The following NCK2 variants were observed in gnomAD, a reference collection of about 807,000 sequenced individuals.
The protein encoded by NCK2 is cytoplasmic protein NCK2.
NCK2 carries 16 observed loss-of-function variants against 33.9 expected under a neutral mutation model. The observed-to-expected ratio is 0.47, with a 90% confidence interval of 0.32 to 0.72. The LOEUF (loss-of-function observed/expected upper bound fraction) is 0.72. Ranked by LOEUF, NCK2 falls within the 30% of genes least tolerant of loss-of-function variation. The pLI is 0.03. For missense variants in NCK2, 418 were observed against 537.3 expected, an observed-to-expected ratio of 0.78 and a Z score of 2.19; for synonymous variants, 273 against 239.9, an observed-to-expected ratio of 1.14 and a Z score of -1.27.
At chr2:105,772,108 G>A (rs939255699) in intron 1 of NCK2, among the ~76,000 whole-genome samples, 1 of 150,498 alleles carries the variant, frequency 6.6e-6, no homozygotes, top group Non-Finnish European at 1.5e-5. Flanking sequence ...GAAGGATGGC[G>A]GAGGGGGTAG....
intron 2 of NCK2, among the ~76,000 whole-genome samples, chr2:105,847,799 G>C (rs1376846351): frequency 1.3e-5 from 2 of 152,098 alleles, no homozygotes; most frequent in African/African-American, 4.8e-5. Flanking sequence ...ACACCTCTTT[G>C]TTTGTAAAAT....
At position 105,798,374 on chromosome 2, in the gene NCK2, CTTCT is replaced by C. The variant is rs375693942; in HGVS notation, c.-200-18052_-200-18049del. ...TGGGTTAGCTGAGTCATTTTTTTTT[CTTCT>C]TTCAGTGTTCTCCTTTTTTCTTTTT... is the stretch of plus-strand genomic sequence containing the variant. On this transcript the variant is annotated intron_variant, in intron 1 of 4. Coordinates refer to ENST00000233154, the MANE Select transcript of NCK2 (RefSeq NM_003581.5). Among the ~76,000 whole-genome samples, 869 of 151,642 alleles carry C rather than the reference CTTCT, an allele frequency of 5.7e-3. 4 individuals are homozygous for C. The highest frequency in any genetic ancestry group is 0.024 in the Middle Eastern group (7 of 294).
Position 105,762,147 on chromosome 2 carries a change from G to A in NCK2, c.-201+17009G>A, listed in dbSNP as rs181508591. 9.2e-5 allele frequency among the ~76,000 whole-genome samples: 14 copies of A among 152,306 alleles called. No individual in the cohort carries two copies. In the East Asian group the frequency reaches 2.5e-3, roughly 27 times the overall value. The stretch of plus-strand genomic sequence containing the variant: ...AGTTTGTGGAATGCACTGCTCTTGG[G>A]TTTTCCTTAGAAGAAGCTTGTGAGA... On this transcript the variant is annotated intron_variant, in intron 1 of 4. Transcript: ENST00000233154.
At chr2:105,889,561 A>T (rs1296214226) in intron 4 of NCK2, among the ~76,000 whole-genome samples, 1 of 146,526 alleles carries the variant, frequency 6.8e-6, no homozygotes, top group African/African-American at 2.5e-5. Context: ...GAGCCTGAGA[A>T]TTTGCATTTC....
intron 1 of NCK2, among the ~76,000 whole-genome samples, chr2:105,803,289 T>C (rs1416712780): frequency 6.6e-6 from 1 of 152,226 alleles, no homozygotes; most frequent in Non-Finnish European, 1.5e-5. Flanking sequence ...AAAGTTTAGC[T>C]GCTGTTTTTT....
chr2:105,853,571 T>C (rs1300188014), intron 2 of NCK2, among the ~76,000 whole-genome samples: 1 of 152,210 alleles, frequency 6.6e-6, no homozygotes, highest in African/African-American at 2.4e-5. Flanking sequence ...CAAGCACTTA[T>C]TTTCTTACTG....
intron 1 of NCK2, among the ~76,000 whole-genome samples, chr2:105,746,274 C>G (rs1258719862): frequency 6.6e-6 from 1 of 152,178 alleles, no homozygotes; most frequent in East Asian, 1.9e-4. Flanking sequence ...AGGGCCAGCT[C>G]CGTCCCTCGA....
At chr2:105,839,903 G>A (rs1187229550) in intron 2 of NCK2, among the ~76,000 whole-genome samples, 1 of 152,224 alleles carries the variant, frequency 6.6e-6, no homozygotes, top group Non-Finnish European at 1.5e-5. Context: ...AGGCAGCAGG[G>A]CTGTGTGATC....
rs573520561 is a variant in NCK2, at chr2:105,871,461, G to A, written c.227-9867G>A. ...CCTGCAGTCTGCTCAGGGAGATGGG[G>A]ATTTGCTAAGCTTTTGAAAAAGATA... On this transcript the variant is annotated intron_variant, in intron 3 of 4. Transcript: ENST00000233154. 1.0e-3 allele frequency among the ~76,000 whole-genome samples: 158 copies of A among 152,108 alleles called. 2 individuals are homozygous for A. Among genetic ancestry groups the A allele is most frequent in the African/African-American group, 3.7e-3 (152 of 41,486 alleles).
intron 2 of NCK2, among the ~76,000 whole-genome samples, chr2:105,826,412 G>T (rs1176438515): frequency 6.6e-6 from 1 of 152,130 alleles, no homozygotes. Context: ...ACCACCCTTC[G>T]AGGACCAATT....
At chr2:105,831,547 C>T (rs1350982500) in intron 2 of NCK2, among the ~76,000 whole-genome samples, 2 of 151,464 alleles carry the variant, frequency 1.3e-5, no homozygotes, top group South Asian at 2.1e-4. Context: ...AGTCTTTAAT[C>T]AATTTTGAGT....
intron 2 of NCK2, among the ~76,000 whole-genome samples, chr2:105,851,255 C>G (rs968672634): frequency 2.6e-5 from 4 of 151,726 alleles, no homozygotes; most frequent in Non-Finnish European, 5.9e-5. Context: ...GTGTCCGGCA[C>G]AGAGCTGAGC....
At chr2:105,771,340 G>T (rs1406146834) in intron 1 of NCK2, among the ~76,000 whole-genome samples, 2 of 152,022 alleles carry the variant, frequency 1.3e-5, no homozygotes, top group African/African-American at 2.4e-5. Context: ...GCTGAGGCAG[G>T]TGGATCACCT....
intron 2 of NCK2, among the ~76,000 whole-genome samples, chr2:105,832,795 G>A (rs6712210): frequency 0.63 from 94,600 of 150,076 alleles, 30,669 homozygotes; most frequent in African/African-American, 0.79. Flanking sequence ...TCTGTTTCAG[G>A]TGTCAGGATA....
intron 2 of NCK2, among the ~76,000 whole-genome samples, chr2:105,835,939 T>G (rs756993891): frequency 1.3e-5 from 2 of 151,468 alleles, no homozygotes; most frequent in East Asian, 1.9e-4. Flanking sequence ...TTTTTTTATT[T>G]AATTCATTTA....
chr2:105,871,086 G>A (rs1190378956), intron 3 of NCK2, among the ~76,000 whole-genome samples: 1 of 152,108 alleles, frequency 6.6e-6, no homozygotes, highest in Non-Finnish European at 1.5e-5. Context: ...AGGCCTGGAG[G>A]GTCGATGAGT....
intron 1 of NCK2, among the ~76,000 whole-genome samples, chr2:105,772,120 G>C (rs1440923925): frequency 6.6e-6 from 1 of 150,532 alleles, no homozygotes; most frequent in South Asian, 2.1e-4. Flanking sequence ...AGGGGGTAGC[G>C]TTTGCAGAGG....
At chr2:105,857,193 A>G (rs1311715639) in intron 3 of NCK2, 2 of 152,230 alleles carry the variant, frequency 1.3e-5, no homozygotes, top group Admixed American at 6.5e-5. Context: ...AGCAGAAAAG[A>G]CAAAGCCACA....
intron 1 of NCK2, among the ~76,000 whole-genome samples, chr2:105,775,925 A>G (rs1690283610): frequency 6.6e-6 from 1 of 152,254 alleles, no homozygotes; most frequent in African/African-American, 2.4e-5. Flanking sequence ...CAAAACCAAA[A>G]CAAAGCACCA....
Sources: allele counts gnomAD v4.1 joint callset (sites outside exome capture counted in the v4.1 genomes callset), GRCh38; gene constraint gnomAD v4.1.1; transcripts MANE v1.5; gene names NCBI Gene and HGNC (gene_info 2026-07-23, HGNC 2026-07-21).